VWA8: variants seen among roughly 807,000 people sequenced by gnomAD.
VWA8 encodes von Willebrand factor A domain containing 8.
VWA8 carries 221 observed loss-of-function variants against 241.5 expected under a neutral mutation model. That is an observed-to-expected ratio of 0.91 (90% CI 0.82 to 1.02). VWA8 has a LOEUF of 1.02. Ranked by LOEUF, VWA8 falls within the 50% of genes least tolerant of loss-of-function variation. The probability of loss-of-function intolerance (pLI) is 0.00; values close to 1 mark genes in which losing one functional copy is unlikely to be tolerated. For synonymous variants in VWA8, 852 were observed against 827.1 expected, an observed-to-expected ratio of 1.03 and a Z score of -0.52; for missense variants, 2,322 against 2,328.7, an observed-to-expected ratio of 1.00 and a Z score of 0.06.
intron 37 of VWA8, among the ~76,000 whole-genome samples, chr13:41,661,714 C>T (rs1036577739): frequency 1.3e-5 from 2 of 152,106 alleles, no homozygotes; most frequent in Non-Finnish European, 1.5e-5. Flanking sequence ...TGAATGATGA[C>T]ATGGGATTGG....
chr13:41,653,987 A>T (rs1422814316), intron 37 of VWA8, among the ~76,000 whole-genome samples: 1 of 152,234 alleles, frequency 6.6e-6, no homozygotes, highest in African/African-American at 2.4e-5. Flanking sequence ...CATTCTGGAC[A>T]TCAGCCTTGG....
intron 19 of VWA8, among the ~76,000 whole-genome samples, chr13:41,779,398 T>A (rs1050475929): frequency 2.0e-5 from 3 of 152,028 alleles, no homozygotes; most frequent in Non-Finnish European, 2.9e-5. Flanking sequence ...CCTATGTTTA[T>A]CTTGGTCGTT....
chr13:41,841,872 A>T (rs1872072728), intron 12 of VWA8, among the ~76,000 whole-genome samples: 1 of 115,372 alleles, frequency 8.7e-6, no homozygotes, highest in African/African-American at 3.3e-5. Flanking sequence ...AACAGTAGAC[A>T]TTTAATATTT....
At chr13:41,747,807 AG>A (rs1373355935) in intron 21 of VWA8, among the ~76,000 whole-genome samples, 2 of 152,216 alleles carry the variant, frequency 1.3e-5, no homozygotes, top group East Asian at 1.9e-4. Flanking sequence ...TTTAGCATGA[AG>A]GGTTGTTGAA....
At chr13:41,719,389 A>C (rs548175626) in intron 26 of VWA8, 50 of 1,404,388 alleles carry the variant, frequency 3.6e-5, no homozygotes, top group Non-Finnish European at 4.5e-5. Context: ...TGGGACATAC[A>C]TAATAATCAA....
chr13:41,832,593 T>C (rs1593802447), intron 13 of VWA8, among the ~76,000 whole-genome samples: 4 of 152,196 alleles, frequency 2.6e-5, no homozygotes. Context: ...GTTAGTTGGA[T>C]AATGGCTTAT....
chr13:41,811,157 G>T, intron 17 of VWA8, 68 bp downstream of exon 17: 1 of 1,368,370 alleles, frequency 7.3e-7, no homozygotes, highest in Non-Finnish European at 1.0e-6. Context: ...TGCACCATCA[G>T]TTAAACTTAT....
chr13:41,763,308 A>AATAAATAAATAAATAAATAGATAGATAG, intron 20 of VWA8, among the ~76,000 whole-genome samples: 1 of 145,774 alleles, frequency 6.9e-6, no homozygotes, highest in African/African-American at 2.5e-5. Flanking sequence ...TAAATAAATA[A>AATAAATAAATAAATAAATAGATAGATAG]ATAGATAGAT....
rs1566421436 is a variant in VWA8, at chr13:41,703,411, CCTGTT to C, written c.3117-5_3117-1del. The C allele has an allele frequency of 6.2e-7, 1 of 1,613,592 alleles. No homozygotes were observed. Among genetic ancestry groups the C allele is most frequent in the Non-Finnish European group, 8.5e-7 (1 of 1,179,772 alleles). On this transcript the variant is annotated splice_acceptor_variant and splice_polypyrimidine_tract_variant and intron_variant, in intron 26 of 44. Coordinates refer to ENST00000379310, the MANE Select transcript of VWA8 (RefSeq NM_015058.2). LOFTEE classifies it high-confidence loss of function. ...TGAACGTTTGTTCTGGCAGAGTCAACCTGTTAAGGATGATTTGCAAAGTAAATATT... is the reference window on the plus strand; with the variant it reads ...TGAACGTTTGTTCTGGCAGAGTCAACAAGGATGATTTGCAAAGTAAATATT...
chr13:41,751,807 A>C (rs2045658263), intron 21 of VWA8, among the ~76,000 whole-genome samples: 1 of 152,230 alleles, frequency 6.6e-6, no homozygotes, highest in Admixed American at 6.5e-5. Flanking sequence ...GAACACTTAC[A>C]TAACAGTTAA....
chr13:41,960,852 C>T lies in VWA8; in HGVS notation c.163+1G>A, dbSNP rs1235161090. 1.3e-5 allele frequency: 19 copies of T among 1,517,988 alleles called. No homozygotes were observed. The highest frequency in any genetic ancestry group is 1.7e-5 in the Non-Finnish European group (19 of 1,138,992). 94.0% of individuals were successfully genotyped at this position (1,517,988 alleles called of 1,614,324 possible). On this transcript the variant is annotated splice_donor_variant, in intron 1 of 44. Transcript: ENST00000379310. LOFTEE classifies it high-confidence loss of function. Reference sequence around the variant, plus strand: ...GAGGACAGGGGCGCACCCCGAGTTACCTGTGTCGGCCCCCGAGCCGGCGTG... The same window carrying T: ...GAGGACAGGGGCGCACCCCGAGTTATCTGTGTCGGCCCCCGAGCCGGCGTG...
At chr13:41,893,374 T>C (rs1052049904) in intron 4 of VWA8, among the ~76,000 whole-genome samples, 3 of 152,064 alleles carry the variant, frequency 2.0e-5, no homozygotes, top group Admixed American at 2.0e-4. Flanking sequence ...TTTAAGATCA[T>C]TTCATGAATA....
intron 35 of VWA8, among the ~76,000 whole-genome samples, chr13:41,681,159 T>A (rs753442286): frequency 2.0e-5 from 3 of 152,194 alleles, no homozygotes; most frequent in Non-Finnish European, 2.9e-5. Flanking sequence ...GGGATCCTGT[T>A]AGGTTTGTTC....
At chr13:41,587,977 T>C (rs2282211) in intron 41 of VWA8, among the ~76,000 whole-genome samples, 33,720 of 152,226 alleles carry the variant, frequency 0.22, 3,992 homozygotes, top group East Asian at 0.37. Flanking sequence ...AAAAATAATA[T>C]GATGACTTAA....
chr13:41,656,538 T>C (rs2044907282), intron 37 of VWA8, among the ~76,000 whole-genome samples: 1 of 152,240 alleles, frequency 6.6e-6, no homozygotes, highest in Non-Finnish European at 1.5e-5. Context: ...GAAAGTCTCA[T>C]ATGAATTAGA....
chr13:41,924,237 G>A (rs536592944), intron 2 of VWA8, among the ~76,000 whole-genome samples: 1 of 152,072 alleles, frequency 6.6e-6, no homozygotes, highest in East Asian at 1.9e-4. Flanking sequence ...TAGAAATCTT[G>A]GAACTGGAGA....
intron 21 of VWA8, among the ~76,000 whole-genome samples, chr13:41,758,368 G>A (rs1156815297): frequency 1.4e-4 from 5 of 34,974 alleles, no homozygotes; most frequent in African/African-American, 3.8e-4. Context: ...ATAGATACTA[G>A]CATATATATA....
Position 41,834,087 on chromosome 13 carries a change from G to A in VWA8, c.1426-556C>T, listed in dbSNP as rs148891877. 4.6e-5 allele frequency among the ~76,000 whole-genome samples: 7 copies of A among 152,296 alleles called. No homozygotes were observed. The East Asian group carries it at 1.4e-3, about 29-fold the overall frequency. ...GCTTGATAATGGAGGAAATTGAAGA[G>A]GACAGTCATCAGATGAGGTACAGGA... On this transcript the variant is annotated intron_variant, in intron 12 of 44. Transcript: ENST00000379310.
At chr13:41,903,603 T>G (rs1875562906) in intron 4 of VWA8, among the ~76,000 whole-genome samples, 1 of 151,818 alleles carries the variant, frequency 6.6e-6, no homozygotes, top group Non-Finnish European at 1.5e-5. Context: ...GAATATAAAG[T>G]ACAAAGAGAA....
Sources: gnomAD v4.1 joint callset for allele counts (sites outside exome capture counted in the v4.1 genomes callset) on GRCh38, gnomAD v4.1.1 for gene constraint, MANE v1.5 for transcripts, NCBI Gene and HGNC (gene_info 2026-07-23, HGNC 2026-07-21) for gene names.